BNC2: variants seen among roughly 807,000 people sequenced by gnomAD.
BNC2 encodes basonuclin zinc finger protein 2, also known as zinc finger protein basonuclin-2.
BNC2 carries 20 observed loss-of-function variants against 76.3 expected under a neutral mutation model. That is an observed-to-expected ratio of 0.26 (90% confidence interval 0.18 to 0.38). The LOEUF (loss-of-function observed/expected upper bound fraction) is 0.38. Among genes scored for constraint, BNC2 ranks in the 10% least tolerant of loss-of-function variants. BNC2 has a pLI of 1.00. For missense variants in BNC2, 1,382 were observed against 1,399.8 expected (o/e 0.99, Z 0.20); for synonymous variants, 582 against 514.8 (o/e 1.13, Z -1.77).
At chr9:16,429,549 G>GTT (rs1430419113) in intron 6 of BNC2, 1 of 172,104 alleles carries the variant, frequency 5.8e-6, no homozygotes. Flanking sequence ...GGTGCACTCA[G>GTT]TATGTGCATT....
At chr9:16,473,019 A>T (rs2131394765) in intron 5 of BNC2, among the ~76,000 whole-genome samples, 2 of 152,300 alleles carry the variant, frequency 1.3e-5, no homozygotes, top group South Asian at 4.2e-4. Flanking sequence ...GACAGGAGAC[A>T]ACAGTGGAAA....
intron 3 of BNC2, among the ~76,000 whole-genome samples, chr9:16,700,863 A>G (rs968084320): frequency 6.6e-6 from 1 of 152,158 alleles, no homozygotes; most frequent in Non-Finnish European, 1.5e-5. Context: ...GTTATTTGGG[A>G]GGCTGAGACA....
chr9:16,449,688 A>C (rs180709839), intron 5 of BNC2, among the ~76,000 whole-genome samples: 2 of 152,340 alleles, frequency 1.3e-5, no homozygotes, highest in African/African-American at 4.8e-5. Flanking sequence ...CACAGAGCTT[A>C]AATTTTAGCG....
chr9:16,571,636 G>A (rs1348706625), intron 4 of BNC2, among the ~76,000 whole-genome samples: 1 of 151,334 alleles, frequency 6.6e-6, no homozygotes, highest in East Asian at 1.9e-4. Flanking sequence ...AGGCAATTGC[G>A]CACTCAGCAC....
chr9:16,802,417 C>T (rs971609487), intron 1 of BNC2, among the ~76,000 whole-genome samples: 1 of 152,190 alleles, frequency 6.6e-6, no homozygotes, highest in African/African-American at 2.4e-5. Context: ...ATATCCTTCA[C>T]TCCCGTGCCC....
chr9:16,554,340 G>C (rs1587163621), intron 4 of BNC2, among the ~76,000 whole-genome samples: 1 of 152,056 alleles, frequency 6.6e-6, no homozygotes, highest in Non-Finnish European at 1.5e-5. Flanking sequence ...TCACTAGAGA[G>C]TTCATGTACT....
chr9:16,664,954 T>C (rs1458096014), intron 3 of BNC2: 2 of 319,710 alleles, frequency 6.3e-6, no homozygotes, highest in Non-Finnish European at 1.2e-5. Context: ...AATAGGCAGG[T>C]TATAGGCAGC....
At chr9:16,422,450 TC>T (rs1820728936) in intron 6 of BNC2, among the ~76,000 whole-genome samples, 1 of 152,238 alleles carries the variant, frequency 6.6e-6, no homozygotes, top group African/African-American at 2.4e-5. Context: ...TTAGCTCTGC[TC>T]TTCATAACTT....
intron 3 of BNC2, among the ~76,000 whole-genome samples, chr9:16,621,816 G>C (rs1302704629): frequency 6.6e-6 from 1 of 151,912 alleles, no homozygotes; most frequent in Non-Finnish European, 1.5e-5. Flanking sequence ...AAAAAGAAAA[G>C]AAAATGTCTC....
chr9:16,505,801 G>A (rs549735299), intron 5 of BNC2, among the ~76,000 whole-genome samples: 13 of 152,120 alleles, frequency 8.5e-5, no homozygotes, highest in South Asian at 6.2e-4. Flanking sequence ...GTTAGCATTC[G>A]TAATAATATT....
chr9:16,693,243 T>G (rs997255287), intron 3 of BNC2, among the ~76,000 whole-genome samples: 1 of 151,620 alleles, frequency 6.6e-6, no homozygotes, highest in African/African-American at 2.4e-5. Flanking sequence ...TATAAGGTAA[T>G]TTTCTGAGTT....
At chr9:16,493,949 T>A (rs1452787244) in intron 5 of BNC2, among the ~76,000 whole-genome samples, 1 of 151,820 alleles carries the variant, frequency 6.6e-6, no homozygotes, top group Non-Finnish European at 1.5e-5. Context: ...CACACGAGGG[T>A]AGAGAGGCAG....
intron 1 of BNC2, among the ~76,000 whole-genome samples, chr9:16,846,006 T>C (rs1381833694): frequency 6.6e-6 from 1 of 151,248 alleles, no homozygotes; most frequent in Admixed American, 6.6e-5. Flanking sequence ...AAAAATTAGC[T>C]GGCCGCGGTG....
chr9:16,508,135 C>T (rs1194209229), intron 5 of BNC2, among the ~76,000 whole-genome samples: 1 of 152,194 alleles, frequency 6.6e-6, no homozygotes, highest in Non-Finnish European at 1.5e-5. Context: ...TTAAGTACTG[C>T]AACAAAGGTC....
At chr9:16,546,597 C>T (rs905510284) in intron 5 of BNC2, among the ~76,000 whole-genome samples, 9 of 151,828 alleles carry the variant, frequency 5.9e-5, no homozygotes, top group African/African-American at 9.7e-5. Context: ...GAAATGAGAG[C>T]GAATAGAAGT....
At chr9:16,423,027 G>T (rs1820738681) in intron 6 of BNC2, among the ~76,000 whole-genome samples, 1 of 152,210 alleles carries the variant, frequency 6.6e-6, no homozygotes, top group African/African-American at 2.4e-5. Context: ...GATGTCGAGA[G>T]AAGACCCTAA....
chr9:16,793,759 G>A (rs546313001), intron 1 of BNC2, among the ~76,000 whole-genome samples: 171 of 141,004 alleles, frequency 1.2e-3, no homozygotes, highest in African/African-American at 4.3e-3. Context: ...TCCGCCTCCC[G>A]GGTTCACGCC....
chr9:16,648,664 A>G (rs1039343926), intron 3 of BNC2, among the ~76,000 whole-genome samples: 3 of 152,242 alleles, frequency 2.0e-5, no homozygotes, highest in Non-Finnish European at 4.4e-5. Flanking sequence ...GCTCCATCAA[A>G]TAAGTTATGG....
At chr9:16,661,247 A>C (rs1168516431) in intron 3 of BNC2, among the ~76,000 whole-genome samples, 5 of 152,136 alleles carry the variant, frequency 3.3e-5, no homozygotes, top group Non-Finnish European at 7.4e-5. Context: ...TCTTCTAACA[A>C]AAAAACCCTA....
Sources: gnomAD v4.1 joint callset for allele counts (sites outside exome capture counted in the v4.1 genomes callset) on GRCh38, gnomAD v4.1.1 for gene constraint, MANE v1.5 for transcripts, NCBI Gene and HGNC (gene_info 2026-07-23, HGNC 2026-07-21) for gene names.